The following CRIM1 variants were observed in gnomAD, a reference collection of about 807,000 sequenced individuals.
The protein encoded by CRIM1 is cysteine rich transmembrane BMP regulator 1, also known as cysteine-rich motor neuron 1 protein.
In CRIM1, 32 loss-of-function variants were observed where a neutral mutation model predicts 116.4. The ratio of observed to expected loss-of-function variants is 0.27; its 90% CI spans 0.21 to 0.37. The LOEUF (loss-of-function observed/expected upper bound fraction) is 0.37, where lower values mean the gene tolerates loss of function less well. Among genes scored for constraint, CRIM1 ranks in the 10% least tolerant of loss-of-function variants. The pLI is 1.00. For synonymous variants in CRIM1, 590 were observed against 509.2 expected, an observed-to-expected ratio of 1.16 and a Z score of -2.13; for missense variants, 1,331 against 1,354.8, an observed-to-expected ratio of 0.98 and a Z score of 0.28.
intron 1 of CRIM1, among the ~76,000 whole-genome samples, chr2:36,362,458 A>T (rs990703825): frequency 6.6e-6 from 1 of 152,188 alleles, no homozygotes; most frequent in Admixed American, 6.5e-5. Context: ...CTGCATTCTT[A>T]ATGCTTTAGT....
intron 2 of CRIM1, among the ~76,000 whole-genome samples, chr2:36,433,317 G>T (rs1162500620): frequency 6.6e-6 from 1 of 152,192 alleles, no homozygotes; most frequent in African/African-American, 2.4e-5. Flanking sequence ...CATTATGAAT[G>T]CAATTCCATA....
intron 2 of CRIM1, among the ~76,000 whole-genome samples, chr2:36,413,601 A>G (rs1673373427): frequency 6.6e-6 from 1 of 152,158 alleles, no homozygotes; most frequent in African/African-American, 2.4e-5. Context: ...CCACACAAAT[A>G]CAAATTGCGT....
intron 9 of CRIM1, 128 bp from the exon 10 acceptor site, chr2:36,512,145 C>G (rs935138476): frequency 8.3e-5 from 94 of 1,138,736 alleles, no homozygotes; most frequent in Non-Finnish European, 1.1e-4. Flanking sequence ...CTCCAGGAAT[C>G]TTTGAGAGCA....
At chr2:36,470,847 C>T (rs1398975473) in intron 5 of CRIM1, among the ~76,000 whole-genome samples, 1 of 152,120 alleles carries the variant, frequency 6.6e-6, no homozygotes, top group Non-Finnish European at 1.5e-5. Flanking sequence ...TGGATCAGAA[C>T]TAAATCAATT....
intron 2 of CRIM1, among the ~76,000 whole-genome samples, chr2:36,427,785 G>A (rs1674573534): frequency 6.6e-6 from 1 of 152,200 alleles, no homozygotes; most frequent in Admixed American, 6.5e-5. Context: ...CAAGACCCTT[G>A]GTGTACAGAC....
At chr2:36,436,394 T>C (rs1270151420) in intron 2 of CRIM1, among the ~76,000 whole-genome samples, 1 of 152,136 alleles carries the variant, frequency 6.6e-6, no homozygotes, top group Non-Finnish European at 1.5e-5. Flanking sequence ...GATGGAGACT[T>C]TTGAAATCTA....
intron 8 of CRIM1, among the ~76,000 whole-genome samples, chr2:36,503,476 T>G (rs1470806579): frequency 6.6e-6 from 1 of 152,182 alleles, no homozygotes; most frequent in Non-Finnish European, 1.5e-5. Flanking sequence ...TGTAACTATT[T>G]TATAGCATCT....
chr2:36,497,920 T>C (rs145582134), intron 7 of CRIM1, among the ~76,000 whole-genome samples: 200 of 152,324 alleles, frequency 1.3e-3, no homozygotes, highest in African/African-American at 4.6e-3. Context: ...CAGTGTGGAC[T>C]AATGGATAGA....
At chr2:36,457,226 T>C (rs1677205344) in intron 4 of CRIM1, among the ~76,000 whole-genome samples, 1 of 152,144 alleles carries the variant, frequency 6.6e-6, no homozygotes, top group Non-Finnish European at 1.5e-5. Context: ...CGGTGATTTG[T>C]GAGATTTTGG....
intron 7 of CRIM1, 56 bp from the exon 8 acceptor site, chr2:36,499,163 C>A (rs1680808667): frequency 1.5e-6 from 2 of 1,358,176 alleles, no homozygotes; most frequent in Non-Finnish European, 2.1e-6. Flanking sequence ...AATTGAATAG[C>A]ATCTAAAAGG....
chr2:36,480,142 C>T (rs1449741108), intron 7 of CRIM1, among the ~76,000 whole-genome samples: 2 of 152,180 alleles, frequency 1.3e-5, no homozygotes, highest in African/African-American at 4.8e-5. Flanking sequence ...AGTGCCGTCA[C>T]CGAGTATCTG....
At chr2:36,500,475 T>G (rs1041367862) in intron 8 of CRIM1, among the ~76,000 whole-genome samples, 4 of 152,216 alleles carry the variant, frequency 2.6e-5, no homozygotes, top group African/African-American at 9.7e-5. Flanking sequence ...TTACATCACC[T>G]GCTGTTAGGT....
At chr2:36,379,388 G>A (rs1472005019) in intron 1 of CRIM1, among the ~76,000 whole-genome samples, 3 of 152,160 alleles carry the variant, frequency 2.0e-5, no homozygotes, top group African/African-American at 7.2e-5. Context: ...TTCATAAAAG[G>A]AAGAGTTGTC....
At chr2:36,457,497 G>C (rs1236927251) in intron 4 of CRIM1, among the ~76,000 whole-genome samples, 2 of 152,210 alleles carry the variant, frequency 1.3e-5, no homozygotes, top group Admixed American at 6.5e-5. Context: ...GGCTGCACTT[G>C]CTGTGGCTAC....
chr2:36,486,363 A>G (rs1245049628), intron 7 of CRIM1, among the ~76,000 whole-genome samples: 1 of 152,182 alleles, frequency 6.6e-6, no homozygotes, highest in Non-Finnish European at 1.5e-5. Flanking sequence ...CTCCAAGTCC[A>G]GCATGTCTTT....
chr2:36,380,037 T>C (rs187244787), intron 1 of CRIM1, among the ~76,000 whole-genome samples: 24 of 152,306 alleles, frequency 1.6e-4, no homozygotes, highest in Admixed American at 1.5e-3. Flanking sequence ...CTGCATATGC[T>C]TCTTATGACT....
chr2:36,434,214 G>T (rs1675115023), intron 2 of CRIM1, among the ~76,000 whole-genome samples: 1 of 152,206 alleles, frequency 6.6e-6, no homozygotes, highest in African/African-American at 2.4e-5. Context: ...CTGAATATAA[G>T]AAAGTTCCTC....
At chr2:36,451,285 G>A (rs1676701736) in intron 4 of CRIM1, among the ~76,000 whole-genome samples, 1 of 151,922 alleles carries the variant, frequency 6.6e-6, no homozygotes, top group Admixed American at 6.6e-5. Context: ...TAATAAGAAG[G>A]AAACACACAA....
At chr2:36,495,060 G>A (rs1366042407) in intron 7 of CRIM1, among the ~76,000 whole-genome samples, 1 of 152,088 alleles carries the variant, frequency 6.6e-6, no homozygotes, top group Admixed American at 6.6e-5. Context: ...GTTTAACGGG[G>A]GACAGTTTTC....
Sources: allele counts gnomAD v4.1 joint callset (sites outside exome capture counted in the v4.1 genomes callset), GRCh38; gene constraint gnomAD v4.1.1; transcripts MANE v1.5; gene names NCBI Gene and HGNC (gene_info 2026-07-23, HGNC 2026-07-21).